DOT1L: variants seen among roughly 807,000 people sequenced by gnomAD.
DOT1L encodes histone-lysine N-methyltransferase, H3 lysine-79 specific.
In DOT1L, 33 loss-of-function variants were observed where a neutral mutation model predicts 153.3. The observed-to-expected ratio is 0.22, with a 90% confidence interval of 0.16 to 0.29. DOT1L has a LOEUF of 0.29. Among genes scored for constraint, DOT1L ranks in the 10% least tolerant of loss-of-function variants. The pLI, the probability that DOT1L is intolerant of heterozygous loss-of-function variation, is 1.00. For synonymous variants in DOT1L, 1,135 were observed against 965.1 expected (o/e 1.18, Z -3.26); for missense variants, 1,847 against 2,119.9 (o/e 0.87, Z 2.53).
At position 2,226,905 on chromosome 19, in the gene DOT1L, C is replaced by G. The variant is rs750457600; in HGVS notation, c.4384C>G (p.Arg1462Gly). 6.3e-7 allele frequency: 1 copy of G among 1,578,862 alleles called. No homozygotes were observed. Among genetic ancestry groups the G allele is most frequent in the Non-Finnish European group, 8.5e-7 (1 of 1,171,298 alleles). ...GGAASSAQTH[R>G]SFLGPFPPGP... Reference sequence around the variant, plus strand: ...CGCGGCGTCCTCCGCCCAGACGCACCGGTCCTTCCTGGGCCCCTTCCCGCC... The same window carrying G: ...CGCGGCGTCCTCCGCCCAGACGCACGGGTCCTTCCTGGGCCCCTTCCCGCC... The change falls in exon 27 of 28, where the codon CGG becomes GGG. Residue 1462 changes from arginine (R) to glycine (G), a missense_variant. Physicochemically the swap from Arg to Gly is moderately radical, Grantham distance 125. Coordinates refer to ENST00000398665, the MANE Select transcript of DOT1L (RefSeq NM_032482.3).
intron 27 of DOT1L, chr19:2,227,679 C>T: frequency 7.8e-7 from 1 of 1,287,626 alleles, no homozygotes; most frequent in Non-Finnish European, 1.0e-6. Context: ...GGCTGCTGCT[C>T]TGCGCTTGCC....
rs1050955494 is a variant in DOT1L at position 2,220,247 on chromosome 19, C to T, written c.2806+25C>T. 21 of 1,597,334 alleles carry T rather than the reference C, an allele frequency of 1.3e-5. No individual in the cohort carries two copies. The highest frequency in any genetic ancestry group is 1.7e-5 in the Non-Finnish European group (20 of 1,170,326). ...GGTAACGCCCCTCCTGTGCCCTACCCTCAGGACTCTGCTGCTGCTGCTGCT... is the reference window on the plus strand; with the variant it reads ...GGTAACGCCCCTCCTGTGCCCTACCTTCAGGACTCTGCTGCTGCTGCTGCT... On this transcript the variant is annotated intron_variant, in intron 23 of 27. Coordinates refer to ENST00000398665, the MANE Select transcript of DOT1L (RefSeq NM_032482.3). The surrounding 1 kb of genome is among the most constrained non-coding windows in gnomAD (Gnocchi z 4.5).
chr19:2,218,416 C>T (rs1282214391), intron 22 of DOT1L, among the ~76,000 whole-genome samples: 2 of 152,150 alleles, frequency 1.3e-5, no homozygotes, highest in Admixed American at 1.3e-4. Context: ...ATTTTTCAGA[C>T]GGAGTCTCAC....
At chr19:2,187,642 G>C (rs2022575950) in intron 3 of DOT1L, among the ~76,000 whole-genome samples, 1 of 152,188 alleles carries the variant, frequency 6.6e-6, no homozygotes, top group Admixed American at 6.5e-5. Flanking sequence ...AAACACAGGG[G>C]CTGGGCACCG....
chr19:2,228,642 TG>T (rs2024471809), intron 27 of DOT1L: 2 of 985,218 alleles, frequency 2.0e-6, no homozygotes, highest in Admixed American at 1.2e-4. Context: ...AGGCCAGCCC[TG>T]GGGGCAGCTG....
chr19:2,183,955 A>G (rs895846414), intron 2 of DOT1L, among the ~76,000 whole-genome samples: 4 of 144,234 alleles, frequency 2.8e-5, no homozygotes, highest in Non-Finnish European at 6.3e-5. Flanking sequence ...CATTTTGACA[A>G]TCCTTTGCTG....
chr19:2,202,578 C>A, intron 8 of DOT1L, 122 bp from the exon 9 acceptor site: 1 of 956,834 alleles, frequency 1.0e-6, no homozygotes. Flanking sequence ...GGGCTTGGCC[C>A]TGGAGGTGGC....
At chr19:2,168,917 C>T (rs1003000737) in intron 1 of DOT1L, among the ~76,000 whole-genome samples, 10 of 152,136 alleles carry the variant, frequency 6.6e-5, no homozygotes, top group South Asian at 2.1e-4. Context: ...CCTGGCCCTG[C>T]GTGGTATTTC....
chr19:2,226,988 C>G lies in DOT1L; in HGVS notation c.4467C>G (p.Ala1489=), dbSNP rs1179342623. The G allele has an allele frequency of 6.3e-7, 1 of 1,591,696 alleles. No homozygotes were observed. Among genetic ancestry groups the G allele is most frequent in the South Asian group, 1.1e-5 (1 of 89,832 alleles). ...MSLQANLGSV[A]GSSVLQSLFS... ...TGCAGGCCAACCTCGGCTCCGTGGC[C>G]GGCTCCTCCGTGCTGCAGTCGCTGT... Residue 1489 remains alanine, a synonymous_variant, in exon 27 of 28, where the codon GCC becomes GCG. Coordinates refer to ENST00000398665, the MANE Select transcript of DOT1L (RefSeq NM_032482.3).
intron 6 of DOT1L, among the ~76,000 whole-genome samples, chr19:2,194,030 A>C (rs2022910038): frequency 6.6e-6 from 1 of 152,144 alleles, no homozygotes; most frequent in Non-Finnish European, 1.5e-5. Context: ...AGCCTGTTTC[A>C]TGGCACGTGC....
At chr19:2,227,676 G>T (rs903473168) in intron 27 of DOT1L, 2 of 1,286,388 alleles carry the variant, frequency 1.6e-6, no homozygotes. Context: ...TGCGGCTGCT[G>T]CTCTGCGCTT....
chr19:2,213,765 T>C, intron 17 of DOT1L, 84 bp from the exon 18 acceptor site: 3 of 1,604,340 alleles, frequency 1.9e-6, no homozygotes, highest in Non-Finnish European at 2.6e-6. Context: ...TCCCAGGGGC[T>C]GGGCTGCAGG....
chr19:2,211,477 T>G (rs2023711156), intron 15 of DOT1L, among the ~76,000 whole-genome samples: 1 of 152,158 alleles, frequency 6.6e-6, no homozygotes, highest in Admixed American at 6.5e-5. Flanking sequence ...GTTGCTGGCA[T>G]GGGGTGGGTG....
At chr19:2,172,947 A>T (rs1290093027) in intron 1 of DOT1L, among the ~76,000 whole-genome samples, 1 of 151,456 alleles carries the variant, frequency 6.6e-6, no homozygotes. Context: ...ACTGCACTCC[A>T]GCCTGGGCAA....
intron 2 of DOT1L, among the ~76,000 whole-genome samples, chr19:2,182,052 G>C (rs1346409117): frequency 6.6e-6 from 1 of 152,038 alleles, no homozygotes; most frequent in Non-Finnish European, 1.5e-5. Context: ...GGGAAACCCT[G>C]TCTCTACTAA....
intron 3 of DOT1L, among the ~76,000 whole-genome samples, chr19:2,188,815 A>T (rs1017673565): frequency 1.1e-4 from 16 of 152,328 alleles, no homozygotes; most frequent in African/African-American, 3.8e-4. Flanking sequence ...GACTGGACAG[A>T]CTAGGCCAGG....
At position 2,188,518 on chromosome 19, in the gene DOT1L, C is replaced by A. The variant is rs903456091; in HGVS notation, c.201-1214C>A. Among the ~76,000 whole-genome samples, 3 of 148,008 alleles carry A rather than the reference C, an allele frequency of 2.0e-5. No homozygotes were observed. In the Admixed American group the frequency reaches 2.0e-4, roughly 10 times the overall value. ...CCACCCGCACAGGTGCAGGCCCCCTCGGCGCTGGGGATGTGGAAGTCGGAT... is the reference window on the plus strand; with the variant it reads ...CCACCCGCACAGGTGCAGGCCCCCTAGGCGCTGGGGATGTGGAAGTCGGAT... On this transcript the variant is annotated intron_variant, in intron 3 of 27. Transcript: ENST00000398665.
chr19:2,217,075 G>A lies in DOT1L; in HGVS notation c.2529G>A (p.Glu843=). Reference sequence around the variant, plus strand: ...CTGGGGCCTTGCAGCTTGCTGGAGAGAAGAGCAGTGAGAAGGTGCGGGCCG... The same window carrying A: ...CTGGGGCCTTGCAGCTTGCTGGAGAAAAGAGCAGTGAGAAGGTGCGGGCCG... ...LSPGALQLAG[E]KSSEKGLRER... Residue 843 remains glutamate, a synonymous_variant, in exon 21 of 28, where the codon GAG becomes GAA. Transcript: ENST00000398665. This position sits in a 1 kb window ranked among gnomAD's most constrained non-coding sequence, Gnocchi z 7.3. 6.2e-7 allele frequency: 1 copy of A among 1,605,608 alleles called. No homozygotes were observed. Among genetic ancestry groups the A allele is most frequent in the Non-Finnish European group, 8.5e-7 (1 of 1,174,966 alleles).
chr19:2,214,187 G>A, intron 18 of DOT1L: 6 of 982,886 alleles, frequency 6.1e-6, no homozygotes, highest in Admixed American at 2.8e-5. Flanking sequence ...TGGTTTCTCA[G>A]CGGCCCTGGG....
Sources: allele counts gnomAD v4.1 joint callset (sites outside exome capture counted in the v4.1 genomes callset), GRCh38; gene constraint gnomAD v4.1.1; non-coding constraint Gnocchi (gnomAD v3.1); transcripts MANE v1.5; gene names NCBI Gene and HGNC (gene_info 2026-07-23, HGNC 2026-07-21).